CEP120: variants seen among roughly 807,000 people sequenced by gnomAD.
The protein encoded by CEP120 is centrosomal protein of 120 kDa.
In CEP120, 113 loss-of-function variants were observed where a neutral mutation model predicts 126.5. The observed-to-expected ratio is 0.89, with a 90% CI of 0.77 to 1.04. CEP120 has a LOEUF of 1.04. CEP120 is among the 50% of genes least tolerant of loss of function. CEP120 has a pLI of 0.00. For synonymous variants in CEP120, 400 were observed against 394.3 expected, an observed-to-expected ratio of 1.01 and a Z score of -0.17; for missense variants, 1,230 against 1,155.7, an observed-to-expected ratio of 1.06 and a Z score of -0.93.
intron 2 of CEP120, among the ~76,000 whole-genome samples, 164 bp from the exon 3 acceptor site, chr5:123,416,288 C>T (rs544294688): frequency 5.9e-5 from 9 of 152,110 alleles, no homozygotes; most frequent in Middle Eastern, 3.4e-3. Context: ...CTAGGCCAGG[C>T]GCAATGGCTC....
intron 18 of CEP120, among the ~76,000 whole-genome samples, chr5:123,352,462 C>T (rs1554099288): frequency 2.0e-5 from 3 of 151,976 alleles, no homozygotes; most frequent in African/African-American, 4.8e-5. Flanking sequence ...AAAAACACCT[C>T]TTCTCTTGTT....
intron 1 of CEP120, among the ~76,000 whole-genome samples, chr5:123,418,802 G>T (rs558494246): frequency 3.3e-5 from 5 of 151,986 alleles, no homozygotes; most frequent in African/African-American, 7.2e-5. Context: ...TTGCCATGTT[G>T]GAACTCCTGA....
intron 14 of CEP120, among the ~76,000 whole-genome samples, chr5:123,381,182 A>G (rs996342409): frequency 6.6e-6 from 1 of 152,156 alleles, no homozygotes; most frequent in African/African-American, 2.4e-5. Context: ...GCAGCACAGG[A>G]CAATGATCCC....
intron 16 of CEP120, among the ~76,000 whole-genome samples, chr5:123,376,386 G>A (rs986092680): frequency 9.2e-5 from 14 of 152,034 alleles, no homozygotes; most frequent in African/African-American, 1.9e-4. Context: ...AGACAAGCAC[G>A]GGCAGAGAGT....
At chr5:123,396,028 C>T (rs138071011) in intron 5 of CEP120, among the ~76,000 whole-genome samples, 3 of 146,106 alleles carry the variant, frequency 2.1e-5, no homozygotes, top group Admixed American at 6.9e-5. Context: ...ATGGAGGTCT[C>T]GCTATGTTGC....
intron 8 of CEP120, 67 bp downstream of exon 8, chr5:123,389,857 T>C (rs1436361568): frequency 7.2e-7 from 1 of 1,384,042 alleles, no homozygotes; most frequent in East Asian, 2.3e-5. Flanking sequence ...GTTCTCATAG[T>C]CATTTTTTAG....
At chr5:123,382,637 A>C in intron 13 of CEP120, 100 bp downstream of exon 13, 1 of 1,035,124 alleles carries the variant, frequency 9.7e-7, no homozygotes, top group Non-Finnish European at 1.3e-6. Flanking sequence ...GAAGTTAGAT[A>C]AGGTACCTAC....
At chr5:123,422,861 G>T (rs1488808882) in intron 1 of CEP120, 89 bp downstream of exon 1, 1 of 1,199,226 alleles carries the variant, frequency 8.3e-7, no homozygotes, top group Non-Finnish European at 1.2e-6. Context: ...AGATGACAGG[G>T]TTCTTAAGGT....
intron 18 of CEP120, among the ~76,000 whole-genome samples, chr5:123,362,053 G>A (rs1275183403): frequency 6.6e-6 from 1 of 151,618 alleles, no homozygotes; most frequent in Non-Finnish European, 1.5e-5. Flanking sequence ...TGCTGCTTCT[G>A]ATGGAGTTTA....
chr5:123,353,726 TC>T (rs2126974804), intron 18 of CEP120, among the ~76,000 whole-genome samples: 1 of 152,094 alleles, frequency 6.6e-6, no homozygotes, highest in East Asian at 1.9e-4. Flanking sequence ...TGGAAGTTCT[TC>T]TTTCAAATTC....
intron 17 of CEP120, 111 bp downstream of exon 17, chr5:123,372,539 T>C: frequency 9.1e-7 from 1 of 1,100,914 alleles, no homozygotes; most frequent in Non-Finnish European, 1.3e-6. Flanking sequence ...GCATTCTTAT[T>C]TGACATCAGA....
chr5:123,372,499 A>C (rs148495433), intron 17 of CEP120, 151 bp downstream of exon 17: 2 of 760,244 alleles, frequency 2.6e-6, no homozygotes, highest in African/African-American at 3.6e-5. Flanking sequence ...TTCAAGTACT[A>C]ATAATGTCAC....
At chr5:123,415,085 G>A (rs10059995) in intron 3 of CEP120, among the ~76,000 whole-genome samples, 1 of 151,940 alleles carries the variant, frequency 6.6e-6, no homozygotes, top group African/African-American at 2.4e-5. Context: ...TTGGGAGTAG[G>A]GGGGCAGAGA....
At chr5:123,375,189 C>G (rs1262538496) in intron 16 of CEP120, among the ~76,000 whole-genome samples, 1 of 151,970 alleles carries the variant, frequency 6.6e-6, no homozygotes, top group Non-Finnish European at 1.5e-5. Context: ...CCTTTTTTTC[C>G]CCCAGGTTTT....
chr5:123,394,098 A>G (rs1027516501), intron 5 of CEP120, among the ~76,000 whole-genome samples: 1 of 152,242 alleles, frequency 6.6e-6, no homozygotes, highest in Non-Finnish European at 1.5e-5. Flanking sequence ...CCTACAAAAT[A>G]TATTTTCTAA....
At chr5:123,395,065 G>C (rs1772684522) in intron 5 of CEP120, among the ~76,000 whole-genome samples, 1 of 152,176 alleles carries the variant, frequency 6.6e-6, no homozygotes, top group Admixed American at 6.5e-5. Context: ...GGGGTTTAGA[G>C]AAGATTTTCA....
chr5:123,399,662 G>T (rs762118504), intron 4 of CEP120, among the ~76,000 whole-genome samples: 2 of 152,110 alleles, frequency 1.3e-5, no homozygotes, highest in Non-Finnish European at 2.9e-5. Flanking sequence ...AGACAGAAGG[G>T]ACAGTATGTA....
chr5:123,346,461 T>A lies in CEP120; in HGVS notation c.*58A>T. 3.8e-6 allele frequency: 5 copies of A among 1,328,484 alleles called. No homozygotes were observed. Among genetic ancestry groups the A allele is most frequent in the South Asian group, 1.4e-5 (1 of 71,892 alleles). The allele number at this position is 1,328,484 out of a possible 1,614,324, so 82.3% of individuals were successfully genotyped here. A position where few individuals can be genotyped will look rare whatever the true frequency, so the allele number is the denominator to read the frequency against. ...CATCCATTTTCCTCACTTTTGAGGT[T>A]TTTACAAAGAAATTAAAATTTAGAC... On this transcript the variant is annotated 3_prime_UTR_variant, in exon 20 of 20. Transcript: ENST00000306467.
intron 1 of CEP120, among the ~76,000 whole-genome samples, chr5:123,419,189 G>C (rs1415242401): frequency 6.6e-6 from 1 of 152,186 alleles, no homozygotes; most frequent in Non-Finnish European, 1.5e-5. Flanking sequence ...CTTTGAGTAG[G>C]AATGATCTCA....
Sources: gnomAD v4.1 joint callset for allele counts (sites outside exome capture counted in the v4.1 genomes callset) on GRCh38, gnomAD v4.1.1 for gene constraint, MANE v1.5 for transcripts, NCBI Gene and HGNC (gene_info 2026-07-23, HGNC 2026-07-21) for gene names.